SPIN1: variants seen among roughly 807,000 people sequenced by gnomAD.
The protein encoded by SPIN1 is spindlin 1, also known as spindlin-1.
A neutral mutation model predicts 26.0 loss-of-function variants in SPIN1; 3 were observed. The observed-to-expected ratio is 0.12, with a 90% CI of 0.05 to 0.30. The LOEUF (loss-of-function observed/expected upper bound fraction) is 0.30, where lower values mean the gene tolerates loss of function less well. Ranked by LOEUF, SPIN1 falls within the 10% of genes least tolerant of loss-of-function variation. The pLI is 1.00. For missense variants in SPIN1, 126 were observed against 333.4 expected, an observed-to-expected ratio of 0.38 and a Z score of 4.84; for synonymous variants, 101 against 116.5, an observed-to-expected ratio of 0.87 and a Z score of 0.86.
At chr9:88,403,413 T>C (rs1827229715) in intron 1 of SPIN1, among the ~76,000 whole-genome samples, 1 of 152,214 alleles carries the variant, frequency 6.6e-6, no homozygotes, top group Non-Finnish European at 1.5e-5. Flanking sequence ...TGCATTGGTA[T>C]TTAGAGCTAT....
chr9:88,397,593 C>T (rs1317979551), intron 1 of SPIN1, among the ~76,000 whole-genome samples: 1 of 151,502 alleles, frequency 6.6e-6, no homozygotes, highest in Non-Finnish European at 1.5e-5. Flanking sequence ...TACTGATATT[C>T]ATCACCGACT....
chr9:88,392,592 T>C (rs1053598904), intron 1 of SPIN1, among the ~76,000 whole-genome samples: 1 of 151,926 alleles, frequency 6.6e-6, no homozygotes, highest in African/African-American at 2.4e-5. Flanking sequence ...TCTCCTCTCT[T>C]CTCCTTCCTT....
chr9:88,464,941 C>T lies in SPIN1; in HGVS notation c.355+2192C>T, dbSNP rs114155924. On this transcript the variant is annotated intron_variant, in intron 4 of 5. Coordinates refer to ENST00000375859, the MANE Select transcript of SPIN1 (RefSeq NM_006717.3). ...TCCCATTCCCAGCCCCTGGCAACCA[C>T]CATTCTACACTCTGTCTCTATGAAT... Among the ~76,000 whole-genome samples the T allele has an allele frequency of 1.3e-3, 192 of 147,266 alleles. 1 individual carries two copies. The highest frequency in any genetic ancestry group is 4.6e-3 in the African/African-American group (181 of 39,758).
intron 1 of SPIN1, among the ~76,000 whole-genome samples, chr9:88,418,195 C>T (rs1375139406): frequency 6.6e-6 from 1 of 152,182 alleles, no homozygotes; most frequent in Non-Finnish European, 1.5e-5. Context: ...AGTTCCAACC[C>T]TCTAACCACT....
At chr9:88,459,368 C>T (rs1828532489) in intron 3 of SPIN1, among the ~76,000 whole-genome samples, 1 of 152,154 alleles carries the variant, frequency 6.6e-6, no homozygotes, top group African/African-American at 2.4e-5. Context: ...CTGTATATTA[C>T]TAGAGATTAT....
At chr9:88,439,152 A>G (rs1564033082) in intron 2 of SPIN1, among the ~76,000 whole-genome samples, 1 of 152,232 alleles carries the variant, frequency 6.6e-6, no homozygotes, top group Non-Finnish European at 1.5e-5. Context: ...AATAGCTGAT[A>G]TAGATATTCT....
At position 88,435,649 on chromosome 9, in the gene SPIN1, A is replaced by G. The variant is rs141184353; in HGVS notation, c.52+9058A>G. 9.1e-4 allele frequency among the ~76,000 whole-genome samples: 139 copies of G among 152,184 alleles called. 1 individual carries two copies. Among genetic ancestry groups the G allele is most frequent in the African/African-American group, 3.2e-3 (132 of 41,518 alleles). Reference sequence around the variant, plus strand: ...TTGGCCTTCCTTTTTCTGATATTACATCTATTTTTCTTTATTACTTGCATA... The same window carrying G: ...TTGGCCTTCCTTTTTCTGATATTACGTCTATTTTTCTTTATTACTTGCATA... On this transcript the variant is annotated intron_variant, in intron 2 of 5. Coordinates refer to ENST00000375859, the MANE Select transcript of SPIN1 (RefSeq NM_006717.3).
chr9:88,393,520 T>A (rs922015857), intron 1 of SPIN1, among the ~76,000 whole-genome samples: 3 of 134,668 alleles, frequency 2.2e-5, no homozygotes, highest in African/African-American at 8.7e-5. Context: ...AGTGGCGCAG[T>A]CTCAGCTGAC....
chr9:88,430,290 C>G (rs1341094750), intron 2 of SPIN1, among the ~76,000 whole-genome samples: 1 of 152,200 alleles, frequency 6.6e-6, no homozygotes, highest in Non-Finnish European at 1.5e-5. Flanking sequence ...GCCACCCGGC[C>G]TCCTGGGCAT....
In SPIN1 at chr9:88,415,060, C is replaced by T. The variant is rs373612720; in HGVS notation, c.-158-11322C>T. 1.4e-3 allele frequency among the ~76,000 whole-genome samples: 206 copies of T among 152,088 alleles called. 5 individuals carry two copies. The South Asian group carries it at 0.036, about 27-fold the overall frequency. On this transcript the variant is annotated intron_variant, in intron 1 of 5. Transcript: ENST00000375859. The stretch of plus-strand genomic sequence containing the variant: ...CTGAGACTAAAGGTGCATGCCACCA[C>T]GCCTGGCTAATTTTTTTGTATTTTT...
chr9:88,425,664 ACT>A (rs1256949250), intron 1 of SPIN1, among the ~76,000 whole-genome samples: 2 of 147,360 alleles, frequency 1.4e-5, no homozygotes, highest in African/African-American at 2.5e-5. Flanking sequence ...ACACAGCGAG[ACT>A]CTGTCTCAAA....
At chr9:88,400,844 CAAAAAAAAAA>C (rs754813928) in intron 1 of SPIN1, among the ~76,000 whole-genome samples, 19 of 99,726 alleles carry the variant, frequency 1.9e-4, no homozygotes, top group Admixed American at 1.8e-3. Flanking sequence ...GACTCCGCCT[CAAAAAAAAAA>C]AAAAAAAAAT....
At chr9:88,422,114 GTTAC>G (rs1367313257) in intron 1 of SPIN1, among the ~76,000 whole-genome samples, 1 of 152,110 alleles carries the variant, frequency 6.6e-6, no homozygotes, top group Non-Finnish European at 1.5e-5. Flanking sequence ...AACCTGTGGA[GTTAC>G]TTGTTTTGAT....
At chr9:88,405,111 T>C (rs1827268392) in intron 1 of SPIN1, among the ~76,000 whole-genome samples, 1 of 152,174 alleles carries the variant, frequency 6.6e-6, no homozygotes, top group African/African-American at 2.4e-5. Flanking sequence ...CAGTTAACTT[T>C]TTTTATAAAT....
intron 3 of SPIN1, among the ~76,000 whole-genome samples, chr9:88,459,348 T>C (rs1195968837): frequency 6.6e-6 from 1 of 152,198 alleles, no homozygotes; most frequent in Non-Finnish European, 1.5e-5. Flanking sequence ...TAGAGGCCAA[T>C]TGGATGTTAC....
At chr9:88,402,045 C>T (rs1035212205) in intron 1 of SPIN1, among the ~76,000 whole-genome samples, 1 of 152,134 alleles carries the variant, frequency 6.6e-6, no homozygotes, top group African/African-American at 2.4e-5. Flanking sequence ...GGCTGGAGTG[C>T]GGCGGTGCGA....
chr9:88,409,247 G>A (rs973192616), intron 1 of SPIN1, among the ~76,000 whole-genome samples: 11 of 151,376 alleles, frequency 7.3e-5, no homozygotes, highest in Non-Finnish European at 1.6e-4. Context: ...TGCCCGCCTC[G>A]GCCTCCCAAA....
chr9:88,412,302 G>C (rs1827468025), intron 1 of SPIN1, among the ~76,000 whole-genome samples: 1 of 152,134 alleles, frequency 6.6e-6, no homozygotes, highest in East Asian at 1.9e-4. Flanking sequence ...ATCTGGAGTT[G>C]GTTATTTCTC....
At chr9:88,471,691 G>T (rs1161750794) in intron 5 of SPIN1, among the ~76,000 whole-genome samples, 1 of 138,540 alleles carries the variant, frequency 7.2e-6, no homozygotes, top group Non-Finnish European at 1.5e-5. Context: ...AAAATCAGTT[G>T]ACCACAGATA....
Sources: allele counts gnomAD v4.1 joint callset (sites outside exome capture counted in the v4.1 genomes callset), GRCh38; gene constraint gnomAD v4.1.1; transcripts MANE v1.5; gene names NCBI Gene and HGNC (gene_info 2026-07-23, HGNC 2026-07-21).